SPOCK3: variants seen among roughly 807,000 people sequenced by gnomAD.
SPOCK3 encodes the protein testican-3.
In SPOCK3, 30 loss-of-function variants were observed where a neutral mutation model predicts 56.6. The observed-to-expected ratio is 0.53, with a 90% CI of 0.40 to 0.72. The LOEUF (loss-of-function observed/expected upper bound fraction) is 0.72, where lower values mean the gene tolerates loss of function less well. Ranked by LOEUF, SPOCK3 falls within the 30% of genes least tolerant of loss-of-function variation. SPOCK3 has a pLI of 0.00. For missense variants in SPOCK3, 527 were observed against 530.0 expected, an observed-to-expected ratio of 0.99 and a Z score of 0.06; for synonymous variants, 196 against 183.3, an observed-to-expected ratio of 1.07 and a Z score of -0.56.
At chr4:167,114,708 ACT>A (rs987868720) in intron 2 of SPOCK3, among the ~76,000 whole-genome samples, 3 of 152,100 alleles carry the variant, frequency 2.0e-5, no homozygotes, top group Non-Finnish European at 4.4e-5. Flanking sequence ...AAAATAAATA[ACT>A]CTGAGTAATG....
At chr4:167,201,660 A>T (rs1733526548) in intron 2 of SPOCK3, among the ~76,000 whole-genome samples, 1 of 151,766 alleles carries the variant, frequency 6.6e-6, no homozygotes, top group Admixed American at 6.6e-5. Flanking sequence ...ACTGAATTAT[A>T]GCAGAAGAAG....
At chr4:167,008,477 G>C (rs1749682599) in intron 3 of SPOCK3, among the ~76,000 whole-genome samples, 1 of 151,988 alleles carries the variant, frequency 6.6e-6, no homozygotes, top group Admixed American at 6.6e-5. Flanking sequence ...TACATATTTA[G>C]GGACCATATA....
At chr4:166,978,379 G>A (rs1410570254) in intron 4 of SPOCK3, among the ~76,000 whole-genome samples, 1 of 152,094 alleles carries the variant, frequency 6.6e-6, no homozygotes. Context: ...GTCAAATAGG[G>A]AGAGTAATAA....
At chr4:167,083,674 G>A (rs1421585113) in intron 2 of SPOCK3, among the ~76,000 whole-genome samples, 2 of 152,040 alleles carry the variant, frequency 1.3e-5, no homozygotes, top group African/African-American at 4.8e-5. Context: ...AGAGTATTGA[G>A]TCTGCATGAA....
intron 6 of SPOCK3, among the ~76,000 whole-genome samples, chr4:166,795,191 G>A (rs930283711): frequency 6.6e-6 from 1 of 152,016 alleles, no homozygotes. Context: ...ATGTTACCTT[G>A]TCCAAATCAT....
At chr4:167,055,744 T>G (rs986516805) in intron 3 of SPOCK3, among the ~76,000 whole-genome samples, 1 of 152,112 alleles carries the variant, frequency 6.6e-6, no homozygotes, top group Non-Finnish European at 1.5e-5. Context: ...GCAGCGAGGC[T>G]GGGGGAGGGA....
intron 2 of SPOCK3, among the ~76,000 whole-genome samples, chr4:167,213,152 TG>T (rs1232463130): frequency 6.6e-6 from 1 of 152,244 alleles, no homozygotes; most frequent in Non-Finnish European, 1.5e-5. Context: ...TGCTAATTGA[TG>T]GCAAAGTAAA....
chr4:166,748,007 C>T (rs549134506), intron 8 of SPOCK3, among the ~76,000 whole-genome samples: 2 of 152,144 alleles, frequency 1.3e-5, no homozygotes, highest in African/African-American at 2.4e-5. Flanking sequence ...ACTGGAAGTA[C>T]ATTCCATGCT....
Position 167,150,592 on chromosome 4 carries a change from T to C in SPOCK3, c.189+83393A>G, listed in dbSNP as rs78088794. On this transcript the variant is annotated intron_variant, in intron 2 of 10. Transcript: ENST00000357545. ...CTGAAAAATAAATGCCTAAATATAG[T>C]AGGAAAATAGAAAACCCGTAGACTT... 9.9e-3 allele frequency among the ~76,000 whole-genome samples: 1,504 copies of C among 152,194 alleles called. 16 individuals are homozygous for C. Among genetic ancestry groups the C allele is most frequent in the Non-Finnish European group, 0.014 (931 of 67,996 alleles).
intron 2 of SPOCK3, among the ~76,000 whole-genome samples, chr4:167,223,868 T>G (rs1736323660): frequency 6.6e-6 from 1 of 152,090 alleles, no homozygotes; most frequent in South Asian, 2.1e-4. Context: ...TATATTATTA[T>G]CAATTTCTAG....
At chr4:167,016,679 T>A (rs1750656916) in intron 3 of SPOCK3, among the ~76,000 whole-genome samples, 1 of 152,020 alleles carries the variant, frequency 6.6e-6, no homozygotes, top group African/African-American at 2.4e-5. Flanking sequence ...TAGCTGGGAT[T>A]ACAGGCGTCT....
intron 5 of SPOCK3, among the ~76,000 whole-genome samples, chr4:166,906,052 A>T (rs879661216): frequency 1.3e-5 from 2 of 152,082 alleles, no homozygotes; most frequent in Non-Finnish European, 2.9e-5. Flanking sequence ...TTCTATAGAA[A>T]TTGACAGACT....
intron 2 of SPOCK3, among the ~76,000 whole-genome samples, chr4:167,103,244 G>A (rs1284772510): frequency 6.6e-6 from 1 of 152,062 alleles, no homozygotes; most frequent in Non-Finnish European, 1.5e-5. Context: ...TTTGAGAAAT[G>A]CTGGCTTCAG....
intron 4 of SPOCK3, among the ~76,000 whole-genome samples, chr4:166,964,494 T>A (rs1744483814): frequency 6.6e-6 from 1 of 151,820 alleles, no homozygotes; most frequent in African/African-American, 2.4e-5. Flanking sequence ...TTTTAAACAA[T>A]TAGGGAACAC....
At chr4:166,922,774 A>G (rs965406983) in intron 4 of SPOCK3, among the ~76,000 whole-genome samples, 3 of 152,196 alleles carry the variant, frequency 2.0e-5, no homozygotes, top group Non-Finnish European at 4.4e-5. Flanking sequence ...AAAAGATGTC[A>G]TTTTAATCAC....
chr4:167,224,131 G>A (rs1736354409), intron 2 of SPOCK3, among the ~76,000 whole-genome samples: 1 of 151,886 alleles, frequency 6.6e-6, no homozygotes, highest in South Asian at 2.1e-4. Context: ...TAATAAAGTT[G>A]TATTTATAAA....
At chr4:167,047,906 TGTG>T (rs1195898820) in intron 3 of SPOCK3, among the ~76,000 whole-genome samples, 3 of 152,116 alleles carry the variant, frequency 2.0e-5, no homozygotes, top group Admixed American at 2.0e-4. Flanking sequence ...TTTAGCCAGG[TGTG>T]GTGATGTCCA....
intron 6 of SPOCK3, among the ~76,000 whole-genome samples, chr4:166,835,454 T>C (rs182281198): frequency 6.6e-6 from 1 of 152,314 alleles, no homozygotes; most frequent in East Asian, 1.9e-4. Context: ...TGTTGTATCT[T>C]AAACTATTCA....
At chr4:166,766,765 A>G (rs1193760295) in intron 7 of SPOCK3, among the ~76,000 whole-genome samples, 1 of 152,156 alleles carries the variant, frequency 6.6e-6, no homozygotes, top group Non-Finnish European at 1.5e-5. Flanking sequence ...AAGGAATGGT[A>G]CCATCTCCTC....
Sources: gnomAD v4.1 joint callset for allele counts (sites outside exome capture counted in the v4.1 genomes callset) on GRCh38, gnomAD v4.1.1 for gene constraint, MANE v1.5 for transcripts, NCBI Gene and HGNC (gene_info 2026-07-23, HGNC 2026-07-21) for gene names.